Variants in ATP1A1 observed in about 807,000 individuals in gnomAD.
The protein encoded by ATP1A1 is ATPase Na+/K+ transporting subunit alpha 1.
In ATP1A1, 14 loss-of-function variants were observed where a neutral mutation model predicts 114.8. The observed-to-expected ratio is 0.12, with a 90% confidence interval of 0.08 to 0.19. The LOEUF (loss-of-function observed/expected upper bound fraction) is 0.19. Among genes scored for constraint, ATP1A1 ranks in the 10% least tolerant of loss-of-function variants. ATP1A1 has a pLI of 1.00. For synonymous variants in ATP1A1, 471 were observed against 466.3 expected (o/e 1.01, Z -0.13); for missense variants, 524 against 1,290.7 (o/e 0.41, Z 9.10).
intron 1 of ATP1A1, 121 bp from the exon 2 acceptor site, chr1:116,383,893 T>C (rs1181032929): frequency 2.6e-6 from 2 of 783,130 alleles, no homozygotes; most frequent in Non-Finnish European, 2.1e-6. Flanking sequence ...CTGACTATTA[T>C]CTTAATGACT....
rs12079355 is a variant in ATP1A1 at position 116,388,885 on chromosome 1, C to T, written c.637-17C>T. 39,275 of 1,613,392 alleles carry T rather than the reference C, an allele frequency of 0.024. 5,042 individuals are homozygous for T. The African/African-American group carries it at 0.34, about 14-fold the overall frequency. ...GGTGTATTCACATGACATTTTTCTTCTTTTCCTCACATATAGGTGGATAAC... is the reference window on the plus strand; with the variant it reads ...GGTGTATTCACATGACATTTTTCTTTTTTTCCTCACATATAGGTGGATAAC... On this transcript the variant is annotated splice_polypyrimidine_tract_variant and intron_variant, in intron 6 of 22. Coordinates refer to ENST00000295598, the MANE Select transcript of ATP1A1 (RefSeq NM_000701.8). This position sits in a 1 kb window ranked among gnomAD's most constrained non-coding sequence, Gnocchi z 5.6.
intron 9 of ATP1A1, among the ~76,000 whole-genome samples, 162 bp downstream of exon 9, chr1:116,390,573 G>T (rs1411369923): frequency 6.9e-6 from 1 of 145,428 alleles, no homozygotes; most frequent in African/African-American, 2.7e-5. Flanking sequence ...AGAGTCAAGG[G>T]TATGGGATAT....
chr1:116,399,183 G>T lies in ATP1A1; in HGVS notation c.2448+99G>T. ...CCAGCATCCATGAGGCTGGCGTTGG[G>T]AAAAGAAATTCTCAGGACCAGTATC... On this transcript the variant is annotated intron_variant, in intron 17 of 22. Coordinates refer to ENST00000295598, the MANE Select transcript of ATP1A1 (RefSeq NM_000701.8). This position sits in a 1 kb window ranked among gnomAD's most constrained non-coding sequence, Gnocchi z 5.0. 6.4e-7 allele frequency: 1 copy of T among 1,552,578 alleles called. No homozygotes were observed. The highest frequency in any genetic ancestry group is 8.8e-7 in the Non-Finnish European group (1 of 1,136,842).
intron 1 of ATP1A1, among the ~76,000 whole-genome samples, chr1:116,380,737 T>G (rs1317532220): frequency 3.3e-5 from 5 of 152,154 alleles, no homozygotes; most frequent in Non-Finnish European, 7.3e-5. Context: ...TGTCAAGAAT[T>G]TTATCTTCTC....
intron 1 of ATP1A1, chr1:116,383,209 CTT>C (rs1341179529): frequency 1.3e-5 from 3 of 224,340 alleles, no homozygotes; most frequent in African/African-American, 7.0e-5. Flanking sequence ...TTTCCAGAGA[CTT>C]TCATTTTGGA....
rs1187594807 is a variant in ATP1A1 at position 116,388,282 on chromosome 1, A to C, written c.501+38A>C. The C allele has an allele frequency of 1.4e-6, 2 of 1,475,864 alleles. No homozygotes were observed. Among genetic ancestry groups the C allele is most frequent in the Non-Finnish European group, 1.9e-6 (2 of 1,054,930 alleles). 91.4% of individuals were successfully genotyped at this position (1,475,864 alleles called of 1,614,324 possible). ...TTGTCCTTCCCCAGTGGATGACTTG[A>C]CAGCCCCAAGCATGTCAGCCTGTGA... On this transcript the variant is annotated intron_variant, in intron 5 of 22. Transcript: ENST00000295598. The surrounding 1 kb of genome is among the most constrained non-coding windows in gnomAD (Gnocchi z 5.6).
intron 1 of ATP1A1, chr1:116,374,122 T>C (rs1421535287): frequency 1.3e-6 from 2 of 1,540,390 alleles, no homozygotes; most frequent in Non-Finnish European, 1.8e-6. Flanking sequence ...CTTAGCTTGC[T>C]CCGCGCAGAG....
intron 1 of ATP1A1, among the ~76,000 whole-genome samples, chr1:116,377,477 G>A (rs968895982): frequency 6.6e-6 from 1 of 152,180 alleles, no homozygotes; most frequent in Non-Finnish European, 1.5e-5. Flanking sequence ...CCCTTCATAG[G>A]AAAGTCAAGT....
intron 1 of ATP1A1, among the ~76,000 whole-genome samples, chr1:116,375,308 T>A (rs1651292411): frequency 6.6e-6 from 1 of 152,222 alleles, no homozygotes; most frequent in Admixed American, 6.5e-5. Flanking sequence ...ATGCATTTAC[T>A]CTTTAACATT....
rs1444411925 is a variant in ATP1A1 at position 116,393,920 on chromosome 1, G to A, written c.1660+197G>A. Among the ~76,000 whole-genome samples the A allele has an allele frequency of 1.3e-5, 2 of 152,098 alleles. No individual in the cohort carries two copies. The highest frequency in any genetic ancestry group is 6.5e-5 in the Admixed American group (1 of 15,272). On this transcript the variant is annotated intron_variant, in intron 12 of 22. Coordinates refer to ENST00000295598, the MANE Select transcript of ATP1A1 (RefSeq NM_000701.8). This position sits in a 1 kb window ranked among gnomAD's most constrained non-coding sequence, Gnocchi z 5.0. ...AATAAGTGCTGAAGAAATGTTCAGC[G>A]TATTGGGCTGTGAGAAACAACGTCC...
At position 116,383,269 on chromosome 1, in the gene ATP1A1, C is replaced by T. The variant is rs1651863805; in HGVS notation, c.13-745C>T. On this transcript the variant is annotated intron_variant, in intron 1 of 22. Transcript: ENST00000295598. ...ATGGGCTGGGCGCTCCCTTTTTTAT[C>T]TCTTATGCAAAGAATTTTAAGGAGT... is the stretch of plus-strand genomic sequence containing the variant. 7.8e-6 allele frequency: 6 copies of T among 774,118 alleles called. No individual in the cohort carries two copies. The South Asian group carries it at 1.1e-4, about 14-fold the overall frequency. The allele number at this position is 774,118 out of a possible 1,614,324, so 48.0% of individuals were successfully genotyped here.
Position 116,388,681 on chromosome 1 carries a change from C to T in ATP1A1, c.545C>T (p.Ala182Val), listed in dbSNP as rs139745455. ...IRNGEKMSIN[A>V]EEVVVGDLVE... ...AATGGTGAGAAAATGAGCATAAATGCGGAGGAAGTTGTGGTTGGGGATCTG... is the reference window on the plus strand; with the variant it reads ...AATGGTGAGAAAATGAGCATAAATGTGGAGGAAGTTGTGGTTGGGGATCTG... The change falls in exon 6 of 23, where the codon GCG (alanine) becomes GTG (valine). Residue 182 changes from alanine (A) to valine (V), a missense_variant. Transcript: ENST00000295598. The surrounding 1 kb of genome is among the most constrained non-coding windows in gnomAD (Gnocchi z 5.6). The T allele has an allele frequency of 4.3e-6, 7 of 1,613,920 alleles. No homozygotes were observed. Among genetic ancestry groups the T allele is most frequent in the South Asian group, 2.2e-5 (2 of 91,080 alleles).
At chr1:116,394,042 T>C (rs945380659) in intron 12 of ATP1A1, among the ~76,000 whole-genome samples, 3 of 152,208 alleles carry the variant, frequency 2.0e-5, no homozygotes, top group South Asian at 4.1e-4. Flanking sequence ...ATCTTTCTTA[T>C]CTAACCTTTG....
chr1:116,388,605 A>G lies in ATP1A1; in HGVS notation c.502-33A>G. On this transcript the variant is annotated intron_variant, in intron 5 of 22. Coordinates refer to ENST00000295598, the MANE Select transcript of ATP1A1 (RefSeq NM_000701.8). The surrounding 1 kb of genome is among the most constrained non-coding windows in gnomAD (Gnocchi z 5.6). The stretch of plus-strand genomic sequence containing the variant: ...TGGACACTACCTTCTCTTTGTTGGT[A>G]TACTAACGGTGTAAATTGTTTCTTT... 2 of 1,609,614 alleles carry G rather than the reference A, an allele frequency of 1.2e-6. No individual in the cohort carries two copies. The highest frequency in any genetic ancestry group is 1.7e-6 in the Non-Finnish European group (2 of 1,177,322).
intron 1 of ATP1A1, chr1:116,374,322 TGG>T: frequency 1.3e-6 from 2 of 1,547,310 alleles, no homozygotes; most frequent in Admixed American, 3.9e-5. Context: ...CATCCGATGG[TGG>T]GGAGAGGCGT....
At position 116,393,089 on chromosome 1, in the gene ATP1A1, A is replaced by G; in HGVS notation, c.1467+101A>G. 6.6e-7 allele frequency: 1 copy of G among 1,517,570 alleles called. No individual in the cohort carries two copies. The highest frequency in any genetic ancestry group is 8.9e-7 in the Non-Finnish European group (1 of 1,127,082). The allele number at this position is 1,517,570 out of a possible 1,614,324, so 94.0% of individuals were successfully genotyped here. ...GGAAATATTCTCCCTTTGGAGTTTT[A>G]TAAGCTTTAGCTTTAAATTTTGCCC... On this transcript the variant is annotated intron_variant, in intron 11 of 22. Coordinates refer to ENST00000295598, the MANE Select transcript of ATP1A1 (RefSeq NM_000701.8). This position sits in a 1 kb window ranked among gnomAD's most constrained non-coding sequence, Gnocchi z 5.0.
chr1:116,374,120 G>A (rs1256116786), intron 1 of ATP1A1: 3 of 1,539,988 alleles, frequency 1.9e-6, no homozygotes, highest in Non-Finnish European at 8.8e-7. Context: ...GGCTTAGCTT[G>A]CTCCGCGCAG....
At chr1:116,400,710 T>C in intron 18 of ATP1A1, 151 bp from the exon 19 acceptor site, 2 of 931,620 alleles carry the variant, frequency 2.1e-6, no homozygotes, top group Non-Finnish European at 3.2e-6. Context: ...AGCCTGTGAG[T>C]GACCAGGCAA....
chr1:116,380,836 G>A (rs923439632), intron 1 of ATP1A1, among the ~76,000 whole-genome samples: 4 of 152,080 alleles, frequency 2.6e-5, no homozygotes, highest in Admixed American at 1.3e-4. Context: ...GGAAGCACAG[G>A]ATGAAATGAT....
Sources: allele counts gnomAD v4.1 joint callset (sites outside exome capture counted in the v4.1 genomes callset), GRCh38; gene constraint gnomAD v4.1.1; non-coding constraint Gnocchi (gnomAD v3.1); transcripts MANE v1.5; gene names NCBI Gene and HGNC (gene_info 2026-07-23, HGNC 2026-07-21).